Variants in EVC2 observed in about 807,000 individuals in gnomAD.
EVC2 encodes the protein limbin.
EVC2 carries 148 observed loss-of-function variants against 149.3 expected under a neutral mutation model. That is an observed-to-expected ratio of 0.99 (90% confidence interval 0.87 to 1.14). The LOEUF (loss-of-function observed/expected upper bound fraction) is 1.14. Among genes scored for constraint, EVC2 ranks in the 50% most tolerant of loss-of-function variants. The pLI is 0.00. For synonymous variants in EVC2, 776 were observed against 649.9 expected (o/e 1.19, Z -2.95); for missense variants, 1,854 against 1,627.3 (o/e 1.14, Z -2.40).
chr4:5,658,981 T>C (rs546028761), intron 9 of EVC2, among the ~76,000 whole-genome samples: 18 of 152,290 alleles, frequency 1.2e-4, no homozygotes, highest in African/African-American at 4.3e-4. Flanking sequence ...ACCTCCATTA[T>C]AACCACAGTC....
chr4:5,593,451 A>C (rs1408951245), intron 16 of EVC2, among the ~76,000 whole-genome samples: 2 of 152,230 alleles, frequency 1.3e-5, no homozygotes, highest in Non-Finnish European at 2.9e-5. Flanking sequence ...GTGAGAATTA[A>C]AGGTGCCACA....
intron 16 of EVC2, among the ~76,000 whole-genome samples, chr4:5,603,812 T>C (rs909022884): frequency 6.6e-6 from 1 of 152,206 alleles, no homozygotes; most frequent in Non-Finnish European, 1.5e-5. Context: ...AGAGGAAATA[T>C]GGTTATGTCA....
rs149434526 is a variant in EVC2 at position 5,683,805 on chromosome 4, C to T, written c.816+1565G>A. Among the ~76,000 whole-genome samples the T allele has an allele frequency of 4.0e-3, 610 of 152,016 alleles. 1 individual carries two copies. Among genetic ancestry groups the T allele is most frequent in the African/African-American group, 0.014 (590 of 41,466 alleles). On this transcript the variant is annotated intron_variant, in intron 6 of 21. Coordinates refer to ENST00000344408, the MANE Select transcript of EVC2 (RefSeq NM_147127.5). ...ACACACAGCTGGCCAGGAACACACA[C>T]AGCTGGCCAGGAACACACACAGCTG...
intron 17 of EVC2, 85 bp downstream of exon 17, chr4:5,584,538 A>G (rs1246196595): frequency 2.2e-6 from 3 of 1,371,896 alleles, no homozygotes; most frequent in Non-Finnish European, 3.0e-6. Context: ...CGGGGGTTGC[A>G]GCCTGTTTCA....
Position 5,567,186 on chromosome 4 carries a change from C to A in EVC2, c.3557+1258G>T, listed in dbSNP as rs1177861230. Among the ~76,000 whole-genome samples the A allele has an allele frequency of 6.6e-6, 1 of 152,064 alleles. No individual in the cohort carries two copies. The highest frequency in any genetic ancestry group is 6.5e-5 in the Admixed American group (1 of 15,276). On this transcript the variant is annotated intron_variant, in intron 20 of 21. Coordinates refer to ENST00000344408, the MANE Select transcript of EVC2 (RefSeq NM_147127.5). The surrounding 1 kb of genome is among the most constrained non-coding windows in gnomAD (Gnocchi z 4.4). ...ATGCAGCCAGCCCTCTGACTGCGGT[C>A]CACAACCCACTTCCTGACTATACTG... is the stretch of plus-strand genomic sequence containing the variant.
chr4:5,616,209 T>G (rs542189626), intron 15 of EVC2, among the ~76,000 whole-genome samples: 3 of 152,156 alleles, frequency 2.0e-5, no homozygotes, highest in Admixed American at 6.5e-5. Flanking sequence ...CCCTCTCCCC[T>G]GAGAACTTTC....
chr4:5,668,902 C>A (rs764709348), intron 7 of EVC2, among the ~76,000 whole-genome samples: 15 of 152,178 alleles, frequency 9.9e-5, no homozygotes, highest in Non-Finnish European at 1.9e-4. Flanking sequence ...TAGAAATTGT[C>A]TTTGCAGATG....
In EVC2 at chr4:5,640,398, A is replaced by T; in HGVS notation, c.1470+116T>A. The T allele has an allele frequency of 8.3e-7, 1 of 1,205,342 alleles. No homozygotes were observed. The highest frequency in any genetic ancestry group is 1.2e-6 in the Non-Finnish European group (1 of 811,178). The allele number at this position is 1,205,342 out of a possible 1,614,324, so 74.7% of individuals were successfully genotyped here. ...AATAGATGAATGAGTGGGTGGTTGG[A>T]TGGATGATGGGTAGACGGATGGAGG... On this transcript the variant is annotated intron_variant, in intron 10 of 21. Transcript: ENST00000344408. This position sits in a 1 kb window ranked among gnomAD's most constrained non-coding sequence, Gnocchi z 4.6.
intron 16 of EVC2, among the ~76,000 whole-genome samples, chr4:5,606,521 G>A (rs1020338075): frequency 1.3e-5 from 2 of 152,100 alleles, no homozygotes; most frequent in Non-Finnish European, 2.9e-5. Context: ...CTGATTCCAG[G>A]TAATTCAACT....
chr4:5,618,795 A>G lies in EVC2; in HGVS notation c.2502-113T>C, dbSNP rs1715471913. ...TCCTCATATCCATGTCTGCAGAAAAAGCACTGGCTCCTTAATCATGCATTC... is the reference window on the plus strand; with the variant it reads ...TCCTCATATCCATGTCTGCAGAAAAGGCACTGGCTCCTTAATCATGCATTC... On this transcript the variant is annotated intron_variant, in intron 14 of 21. Coordinates refer to ENST00000344408, the MANE Select transcript of EVC2 (RefSeq NM_147127.5). The surrounding 1 kb of genome is among the most constrained non-coding windows in gnomAD (Gnocchi z 4.4). 6 of 1,016,266 alleles carry G rather than the reference A, an allele frequency of 5.9e-6. No homozygotes were observed. The highest frequency in any genetic ancestry group is 4.0e-5 in the Admixed American group (2 of 49,776). The allele number at this position is 1,016,266 out of a possible 1,614,324, so 63.0% of individuals were successfully genotyped here. A position where few individuals can be genotyped will look rare whatever the true frequency, so the allele number is the denominator to read the frequency against.
At chr4:5,683,405 C>A (rs1358757354) in intron 6 of EVC2, among the ~76,000 whole-genome samples, 1 of 152,208 alleles carries the variant, frequency 6.6e-6, no homozygotes, top group Non-Finnish European at 1.5e-5. Context: ...TAAATCCTCA[C>A]TCCAGTACAT....
chr4:5,620,764 G>A (rs1009021142), intron 14 of EVC2, among the ~76,000 whole-genome samples: 15 of 152,150 alleles, frequency 9.9e-5, no homozygotes, highest in African/African-American at 3.6e-4. Context: ...AGTTGCTTTA[G>A]TAACACTCCC....
In EVC2 at chr4:5,623,125, C is replaced by T. The variant is rs1715845504; in HGVS notation, c.2047-134G>A. 16 of 921,672 alleles carry T rather than the reference C, an allele frequency of 1.7e-5. No individual in the cohort carries two copies. In the South Asian group the frequency reaches 2.6e-4, roughly 15 times the overall value. 57.1% of individuals were successfully genotyped at this position (921,672 alleles called of 1,614,324 possible). A position where few individuals can be genotyped will look rare whatever the true frequency, so the allele number is the denominator to read the frequency against. On this transcript the variant is annotated intron_variant, in intron 13 of 21. Transcript: ENST00000344408. ...AACAATCTCACATTTGGAAGTTATT[C>T]TGGTTTTTTGTTTGCTTGTTTGTTT...
chr4:5,583,982 A>G (rs1712040318), intron 17 of EVC2, among the ~76,000 whole-genome samples: 1 of 151,972 alleles, frequency 6.6e-6, no homozygotes, highest in Non-Finnish European at 1.5e-5. Flanking sequence ...CTTAATAAGT[A>G]TAACTAAGTA....
At chr4:5,547,776 C>A (rs1212518235) in intron 21 of EVC2, among the ~76,000 whole-genome samples, 1 of 152,180 alleles carries the variant, frequency 6.6e-6, no homozygotes, top group Non-Finnish European at 1.5e-5. Flanking sequence ...GCTGAAAGAG[C>A]TATAACACAA....
intron 9 of EVC2, among the ~76,000 whole-genome samples, chr4:5,649,790 A>C (rs2108876852): frequency 6.6e-6 from 1 of 152,314 alleles, no homozygotes; most frequent in Middle Eastern, 3.4e-3. Context: ...TCCTCATCAG[A>C]AGCTAATTCC....
chr4:5,580,324 C>T (rs987841635), intron 17 of EVC2, among the ~76,000 whole-genome samples: 5 of 152,194 alleles, frequency 3.3e-5, no homozygotes, highest in African/African-American at 7.2e-5. Context: ...TTTAAGAATA[C>T]GGCATCATCT....
At chr4:5,689,752 C>A (rs1560228717) in intron 4 of EVC2, among the ~76,000 whole-genome samples, 2 of 152,288 alleles carry the variant, frequency 1.3e-5, no homozygotes, top group East Asian at 3.9e-4. Flanking sequence ...GTCATGTGAT[C>A]TCCAGGAAGG....
chr4:5,678,897 G>T (rs1019570552), intron 7 of EVC2, among the ~76,000 whole-genome samples: 1 of 152,064 alleles, frequency 6.6e-6, no homozygotes, highest in Non-Finnish European at 1.5e-5. Context: ...TGGCTGTGGT[G>T]GTGGGTGCCT....
Sources: gnomAD v4.1 joint callset for allele counts (sites outside exome capture counted in the v4.1 genomes callset) on GRCh38, gnomAD v4.1.1 for gene constraint, Gnocchi (gnomAD v3.1) non-coding constraint, MANE v1.5 for transcripts, NCBI Gene and HGNC (gene_info 2026-07-23, HGNC 2026-07-21) for gene names.